The following WHAMM variants were observed in gnomAD, a reference collection of about 807,000 sequenced individuals.
WHAMM encodes the protein WASP homolog-associated protein with actin, membranes and microtubules.
WHAMM carries 67 observed loss-of-function variants against 76.5 expected under a neutral mutation model. The observed-to-expected ratio is 0.88, with a 90% CI of 0.72 to 1.07. The LOEUF is 1.07. Ranked by LOEUF, WHAMM falls within the 50% of genes least tolerant of loss-of-function variation. The pLI is 0.00. For synonymous variants in WHAMM, 419 were observed against 422.1 expected (o/e 0.99, Z 0.09); for missense variants, 1,021 against 1,051.1 (o/e 0.97, Z 0.40).
intron 6 of WHAMM, 52 bp from the exon 7 acceptor site, chr15:82,826,358 T>C (rs2050933036): frequency 6.3e-7 from 1 of 1,581,386 alleles, no homozygotes; most frequent in Non-Finnish European, 8.7e-7. Context: ...TCTTTTATGC[T>C]ATACCAGGGT....
chr15:82,814,986 G>A (rs1032945710), intron 2 of WHAMM, among the ~76,000 whole-genome samples: 2 of 148,662 alleles, frequency 1.3e-5, no homozygotes, highest in African/African-American at 4.9e-5. Flanking sequence ...TAGCCAGGAT[G>A]GTCTTGATCT....
rs2050735401 is a variant in WHAMM at position 82,816,826 on chromosome 15, A to C, written c.918A>C (p.Thr306=). 1 of 1,561,448 alleles carries C rather than the reference A, an allele frequency of 6.4e-7. No individual in the cohort carries two copies. Among genetic ancestry groups the C allele is most frequent in the Non-Finnish European group, 8.7e-7 (1 of 1,152,550 alleles). ...QDITVNYFKE[T]VKALAGMQKE... ...TCACAGTGAATTATTTTAAGGAGAC[A>C]GTAAAAGCATTAGCAGGTGATAATT... Residue 306 remains threonine (T), a synonymous_variant, in exon 3 of 10, where the codon ACA becomes ACC. Transcript: ENST00000286760.
Position 82,830,926 on chromosome 15 carries a change from C to T in WHAMM, c.1969C>T (p.Pro657Ser). 2.5e-6 allele frequency: 4 copies of T among 1,608,922 alleles called. No individual in the cohort carries two copies. The highest frequency in any genetic ancestry group is 3.4e-6 in the Non-Finnish European group (4 of 1,178,000). The stretch of plus-strand genomic sequence containing the variant: ...ACCGCCGCCACCGCCGCCCCCACCC[C>T]CTCCTCTCCGTGCTCTGTCCTCATC... ...PPPPPPPPPPPPLRALSSSSQ... is the reference protein window; with the variant it reads ...PPPPPPPPPPSPLRALSSSSQ... Residue 657 changes from proline (P) to serine (S), a missense_variant, in exon 9 of 10, where the codon CCT becomes TCT. Pro to Ser is a moderately conservative substitution (Grantham distance 74). Transcript: ENST00000286760.
In WHAMM at chr15:82,834,713, C is replaced by T. The variant is rs1249495610; in HGVS notation, c.*1177C>T. The T allele has an allele frequency of 6.6e-6, 1 of 152,550 alleles. No individual in the cohort carries two copies. The highest frequency in any genetic ancestry group is 1.5e-5 in the Non-Finnish European group (1 of 68,034). 9.4% of individuals were successfully genotyped at this position (152,550 alleles called of 1,614,324 possible). On this transcript the variant is annotated 3_prime_UTR_variant, in exon 10 of 10. Transcript: ENST00000286760. The stretch of plus-strand genomic sequence containing the variant: ...TTTTAGGCACCAAGCACTACATAAA[C>T]TCATAATAACTATTTGCAATGCATT...
At chr15:82,824,595 A>C (rs1224955264) in intron 6 of WHAMM, among the ~76,000 whole-genome samples, 1 of 152,152 alleles carries the variant, frequency 6.6e-6, no homozygotes, top group East Asian at 1.9e-4. Context: ...TGCTGGGATT[A>C]CGGGCATGAG....
intron 5 of WHAMM, among the ~76,000 whole-genome samples, chr15:82,821,607 A>G (rs1463370467): frequency 2.0e-5 from 3 of 152,148 alleles, no homozygotes; most frequent in Non-Finnish European, 4.4e-5. Flanking sequence ...TACCGTTCCC[A>G]TGACTGTACC....
Position 82,823,184 on chromosome 15 carries a change from A to G in WHAMM, c.1355A>G (p.Asp452Gly), listed in dbSNP as rs770976533. ...ATTGACTGTGTGGTGGGGCTGCAGG[A>G]TGATAAGAATTTGGAAGTGAAAGAA... ...KVIDCVVGLQDDKNLEVKELR... is the reference protein window; with the variant it reads ...KVIDCVVGLQGDKNLEVKELR... Residue 452 changes from aspartate to glycine, a missense_variant, in exon 6 of 10, where the codon GAT (aspartate) becomes GGT (glycine). Asp to Gly is a moderately conservative substitution (Grantham distance 94). Coordinates refer to ENST00000286760, the MANE Select transcript of WHAMM (RefSeq NM_001080435.3). 9.5e-6 allele frequency: 15 copies of G among 1,581,494 alleles called. No homozygotes were observed. The African/African-American group carries it at 1.9e-4, about 20-fold the overall frequency.
In WHAMM at chr15:82,819,344, GA is replaced by G. The variant is rs2050780557; in HGVS notation, c.1133del (p.Asn378IlefsTer5). 9.8e-6 allele frequency: 11 copies of G among 1,118,354 alleles called. No individual in the cohort carries two copies. The highest frequency in any genetic ancestry group is 1.6e-5 in the African/African-American group (1 of 60,704). The allele number at this position is 1,118,354 out of a possible 1,614,324, so 69.3% of individuals were successfully genotyped here. A position where few individuals can be genotyped will look rare whatever the true frequency, so the allele number is the denominator to read the frequency against. ...QGKMEDLPEQ[E>X]KNTNVVDELE... ...TAAGATGGAAGATCTTCCAGAACAA[GA>G]AAAAAATACAAATGTTGTAGATGAA... On this transcript the variant is annotated frameshift_variant, in exon 5 of 10. Coordinates refer to ENST00000286760, the MANE Select transcript of WHAMM (RefSeq NM_001080435.3). LOFTEE classifies it high-confidence loss of function.
At chr15:82,815,146 T>TATATATATATATATATAA (rs2050704106) in intron 2 of WHAMM, among the ~76,000 whole-genome samples, 1 of 40,366 alleles carries the variant, frequency 2.5e-5, no homozygotes, top group Non-Finnish European at 4.8e-5. Flanking sequence ...TATATATATA[T>TATATATATATATATATAA]ATATATATAG....
At chr15:82,833,111 GATT>G (rs921525185) in intron 9 of WHAMM, 115 bp from the exon 10 acceptor site, 1 of 1,186,310 alleles carries the variant, frequency 8.4e-7, no homozygotes, top group Non-Finnish European at 1.2e-6. Flanking sequence ...TTAATGAAGT[GATT>G]ATTTGTTTAA....
chr15:82,813,334 T>G, intron 2 of WHAMM, 58 bp downstream of exon 2: 1 of 1,330,042 alleles, frequency 7.5e-7, no homozygotes, highest in Non-Finnish European at 1.0e-6. Flanking sequence ...AAATTATTTC[T>G]TTATTTACAC....
intron 9 of WHAMM, among the ~76,000 whole-genome samples, chr15:82,832,332 G>C (rs1165109185): frequency 6.6e-6 from 1 of 152,172 alleles, no homozygotes; most frequent in East Asian, 1.9e-4. Flanking sequence ...AAGCAAAATA[G>C]CCTTTTGTTA....
intron 8 of WHAMM, among the ~76,000 whole-genome samples, chr15:82,830,243 A>C (rs1359421578): frequency 1.4e-5 from 2 of 143,752 alleles, no homozygotes; most frequent in African/African-American, 2.6e-5. Context: ...CCGGCTACTT[A>C]ATATTTTGAA....
Position 82,826,450 on chromosome 15 carries a change from C to T in WHAMM, c.1499C>T (p.Ala500Val). 6.2e-7 allele frequency: 1 copy of T among 1,613,998 alleles called. No homozygotes were observed. The highest frequency in any genetic ancestry group is 2.2e-5 in the East Asian group (1 of 44,882). ...AATCATCGGTTCAGATTGCAACAGG[C>T]TGAAGAAAGCATAAGATACTCTCGT... ...KENHRFRLQQ[A>V]EESIRYSRQH... is the part of the protein sequence containing the mutation. The change falls in exon 7 of 10, where the codon GCT becomes GTT. Residue 500 changes from alanine (A) to valine (V), a missense_variant. Around this residue, in one of 3 missense-constraint regions of WHAMM, gnomAD observed 509 missense variants for 492.3 expected, o/e 1.03. Transcript: ENST00000286760.
chr15:82,810,343 A>T lies in WHAMM; in HGVS notation c.609+8A>T. 4 of 1,305,726 alleles carry T rather than the reference A, an allele frequency of 3.1e-6. No individual in the cohort carries two copies. The highest frequency in any genetic ancestry group is 3.9e-6 in the Non-Finnish European group (4 of 1,032,120). 80.9% of individuals were successfully genotyped at this position (1,305,726 alleles called of 1,614,324 possible). On this transcript the variant is annotated splice_region_variant and intron_variant, in intron 1 of 9. Coordinates refer to ENST00000286760, the MANE Select transcript of WHAMM (RefSeq NM_001080435.3). ...GACGCGCGGCTGCGCCAGGTAAGCG[A>T]GGCCCGGTCGCCGGCGTTCGTCCGC...
At chr15:82,822,547 C>G (rs1454863637) in intron 5 of WHAMM, among the ~76,000 whole-genome samples, 1 of 152,200 alleles carries the variant, frequency 6.6e-6, no homozygotes, top group South Asian at 2.1e-4. Context: ...ATGCTGTTCT[C>G]CTGCCTCAGC....
intron 6 of WHAMM, among the ~76,000 whole-genome samples, chr15:82,824,068 AAATTT>A (rs1167655515): frequency 6.6e-6 from 1 of 151,896 alleles, no homozygotes; most frequent in Admixed American, 6.6e-5. Context: ...TAACACTAAG[AAATTT>A]AATTTTCTCT....
Position 82,809,832 on chromosome 15 carries a change from G to T in WHAMM, c.106G>T (p.Gly36Cys). 6.2e-7 allele frequency: 1 copy of T among 1,605,248 alleles called. No individual in the cohort carries two copies. Residue 36 changes from glycine (G) to cysteine (C), a missense_variant, in exon 1 of 10, where the codon GGC becomes TGC. Physicochemically the swap from Gly to Cys is radical, Grantham distance 159. Around this residue, in one of 3 missense-constraint regions of WHAMM, gnomAD observed 501 missense variants for 524.9 expected, o/e 0.95. Transcript: ENST00000286760. ...GCTGCGCTTCCTGGTGGCCTGGAAC[G>T]GCGCGGAGGGCAAGTTCGCTGTGAC... ...HRLRFLVAWNGAEGKFAVTCH... is the reference protein window; with the variant it reads ...HRLRFLVAWNCAEGKFAVTCH...
intron 9 of WHAMM, among the ~76,000 whole-genome samples, chr15:82,832,473 CAG>C (rs2051046691): frequency 6.6e-6 from 1 of 152,190 alleles, no homozygotes; most frequent in African/African-American, 2.4e-5. Flanking sequence ...TTTACCCTCT[CAG>C]GGGTCTCCAG....
Sources: allele counts gnomAD v4.1 joint callset (sites outside exome capture counted in the v4.1 genomes callset), GRCh38; gene constraint gnomAD v4.1.1; regional missense constraint gnomAD v4.1.1; transcripts MANE v1.5; gene names NCBI Gene and HGNC (gene_info 2026-07-23, HGNC 2026-07-21).